The following FAM193A variants were observed in gnomAD, a reference collection of about 807,000 sequenced individuals.
FAM193A encodes protein FAM193A.
Under a neutral mutation model 126.5 loss-of-function variants are expected in FAM193A, and 22 were observed. The observed-to-expected ratio is 0.17, with a 90% CI of 0.12 to 0.25. The LOEUF (loss-of-function observed/expected upper bound fraction) is 0.25, where lower values mean the gene tolerates loss of function less well. Among genes scored for constraint, FAM193A ranks in the 10% least tolerant of loss-of-function variants. FAM193A has a pLI of 1.00. For missense variants in FAM193A, 1,675 were observed against 1,672.8 expected (o/e 1.00, Z -0.02); for synonymous variants, 761 against 646.8 (o/e 1.18, Z -2.68).
intron 15 of FAM193A, among the ~76,000 whole-genome samples, chr4:2,691,509 A>G (rs1185399564): frequency 6.6e-6 from 1 of 152,200 alleles, no homozygotes; most frequent in African/African-American, 2.4e-5. Context: ...ATGTGAGCTG[A>G]CAGGGCTGCC....
chr4:2,623,075 G>T (rs1026440584), intron 2 of FAM193A, among the ~76,000 whole-genome samples: 5 of 151,922 alleles, frequency 3.3e-5, no homozygotes, highest in Non-Finnish European at 5.9e-5. Flanking sequence ...TAATTCTGGG[G>T]TCTGCTTCCC....
chr4:2,596,645 G>T (rs1054009089), intron 2 of FAM193A, among the ~76,000 whole-genome samples: 5 of 152,232 alleles, frequency 3.3e-5, no homozygotes, highest in African/African-American at 2.4e-5. Context: ...CAATTTTCAT[G>T]TGTTTAGTTC....
chr4:2,685,591 T>G (rs912413150), intron 13 of FAM193A, among the ~76,000 whole-genome samples: 1 of 152,228 alleles, frequency 6.6e-6, no homozygotes, highest in African/African-American at 2.4e-5. Context: ...AAAAAACCTG[T>G]TAAGCAGAAA....
chr4:2,558,980 A>G (rs1738437582), intron 1 of FAM193A, among the ~76,000 whole-genome samples: 1 of 152,242 alleles, frequency 6.6e-6, no homozygotes, highest in Non-Finnish European at 1.5e-5. Flanking sequence ...AGCCTGGGTG[A>G]CACAGTGAGA....
At chr4:2,658,298 G>A (rs552960382) in intron 8 of FAM193A, among the ~76,000 whole-genome samples, 5 of 152,088 alleles carry the variant, frequency 3.3e-5, no homozygotes, top group Non-Finnish European at 4.4e-5. Flanking sequence ...CAGACAGAGC[G>A]CTCAGATCTC....
At chr4:2,664,950 G>A (rs1453766561) in intron 12 of FAM193A, among the ~76,000 whole-genome samples, 1 of 152,050 alleles carries the variant, frequency 6.6e-6, no homozygotes, top group Non-Finnish European at 1.5e-5. Context: ...ACTACAAAAC[G>A]CCTCCTTGGA....
intron 13 of FAM193A, among the ~76,000 whole-genome samples, chr4:2,675,371 C>G (rs1714277652): frequency 6.6e-6 from 1 of 152,192 alleles, no homozygotes; most frequent in South Asian, 2.1e-4. Context: ...TCCATTGATT[C>G]ATCGGTTTCT....
At chr4:2,617,322 G>T (rs1577079867) in intron 2 of FAM193A, among the ~76,000 whole-genome samples, 1 of 108,656 alleles carries the variant, frequency 9.2e-6, no homozygotes, top group Non-Finnish European at 1.7e-5. Flanking sequence ...CTGGAGTGCA[G>T]TGGTGCCATC....
At chr4:2,664,950 G>C (rs1453766561) in intron 12 of FAM193A, among the ~76,000 whole-genome samples, 1 of 152,050 alleles carries the variant, frequency 6.6e-6, no homozygotes, top group Non-Finnish European at 1.5e-5. Context: ...ACTACAAAAC[G>C]CCTCCTTGGA....
intron 1 of FAM193A, among the ~76,000 whole-genome samples, chr4:2,594,721 C>A (rs1021584704): frequency 2.0e-5 from 3 of 151,922 alleles, no homozygotes; most frequent in Non-Finnish European, 4.4e-5. Context: ...GGTTAAAAAT[C>A]CTGTGTCTCC....
chr4:2,700,573 C>A (rs765496908), intron 19 of FAM193A, 29 bp downstream of exon 19: 3 of 1,585,910 alleles, frequency 1.9e-6, no homozygotes, highest in South Asian at 2.3e-5. Context: ...GAAGGTATTT[C>A]TGAGCGATGC....
At chr4:2,557,907 G>A (rs185475616) in intron 1 of FAM193A, among the ~76,000 whole-genome samples, 4 of 151,782 alleles carry the variant, frequency 2.6e-5, no homozygotes, top group East Asian at 3.9e-4. Context: ...AGCCAAGAAC[G>A]TGCCACTGCA....
chr4:2,717,115 GATTACA>G (rs1719626127), intron 20 of FAM193A, among the ~76,000 whole-genome samples: 1 of 152,062 alleles, frequency 6.6e-6, no homozygotes, highest in African/African-American at 2.4e-5. Context: ...GACTAACTAG[GATTACA>G]GGGGCCTGCC....
intron 4 of FAM193A, among the ~76,000 whole-genome samples, chr4:2,630,202 C>A (rs948611279): frequency 6.6e-6 from 1 of 150,722 alleles, no homozygotes; most frequent in South Asian, 2.1e-4. Flanking sequence ...CAAAGTTTGG[C>A]CTGAAATTCA....
chr4:2,688,175 A>G (rs899283284), intron 13 of FAM193A, among the ~76,000 whole-genome samples: 1 of 152,194 alleles, frequency 6.6e-6, no homozygotes, highest in African/African-American at 2.4e-5. Flanking sequence ...GAGAAGGGCC[A>G]GGACCCAGAT....
chr4:2,627,321 C>T (rs910069693), intron 4 of FAM193A, among the ~76,000 whole-genome samples: 3 of 151,712 alleles, frequency 2.0e-5, no homozygotes, highest in East Asian at 1.9e-4. Context: ...CCACTGTGCC[C>T]GGCTAATTTT....
intron 1 of FAM193A, among the ~76,000 whole-genome samples, chr4:2,577,423 T>TTTTTTTTTTTTG (rs1491585886): frequency 1.6e-4 from 14 of 86,404 alleles, no homozygotes; most frequent in Non-Finnish European, 1.3e-4. Flanking sequence ...TTTTTTTTTG[T>TTTTTTTTTTTTG]TTTTTTTTTT....
intron 2 of FAM193A, among the ~76,000 whole-genome samples, chr4:2,599,965 T>C (rs1452720856): frequency 6.6e-6 from 1 of 151,794 alleles, no homozygotes; most frequent in African/African-American, 2.4e-5. Flanking sequence ...AGTGGTGCGA[T>C]GTTGGCTCAC....
chr4:2,639,742 A>T lies in FAM193A; in HGVS notation c.1046A>T (p.Glu349Val). 6.2e-7 allele frequency: 1 copy of T among 1,609,770 alleles called. No homozygotes were observed. The highest frequency in any genetic ancestry group is 8.5e-7 in the Non-Finnish European group (1 of 1,177,612). The change falls in exon 6 of 21, where the codon GAA becomes GTA. Residue 349 changes from glutamate (E) to valine (V), a missense_variant. By Grantham distance (121) the Glu-to-Val change is moderately radical. Coordinates refer to ENST00000637812, the MANE Select transcript of FAM193A (RefSeq NM_001366318.2). ...ISTFLGTLEN[E>V]HLKKFQVTWE... ...TTACTTTTTCTTAACCAGGAAAATG[A>T]ACACTTGAAAAAGTTCCAAGTGACG...
Sources: gnomAD v4.1 joint callset for allele counts (sites outside exome capture counted in the v4.1 genomes callset) on GRCh38, gnomAD v4.1.1 for gene constraint, MANE v1.5 for transcripts, NCBI Gene and HGNC (gene_info 2026-07-23, HGNC 2026-07-21) for gene names.